CNTN5: variants seen among roughly 807,000 people sequenced by gnomAD.
CNTN5 encodes the protein contactin-5.
A neutral mutation model predicts 129.1 loss-of-function variants in CNTN5; 77 were observed. The ratio of observed to expected loss-of-function variants is 0.60; its 90% confidence interval spans 0.50 to 0.72. The LOEUF is 0.72. Among genes scored for constraint, CNTN5 ranks in the 30% least tolerant of loss-of-function variants. The pLI, the probability that CNTN5 is intolerant of heterozygous loss-of-function variation, is 0.00. For missense variants in CNTN5, 1,478 were observed against 1,328.8 expected, an observed-to-expected ratio of 1.11 and a Z score of -1.75; for synonymous variants, 509 against 465.6, an observed-to-expected ratio of 1.09 and a Z score of -1.20.
At chr11:99,525,979 A>G (rs192233042) in intron 2 of CNTN5, among the ~76,000 whole-genome samples, 1 of 148,278 alleles carries the variant, frequency 6.7e-6, no homozygotes, top group Non-Finnish European at 1.5e-5. Flanking sequence ...TACATTTAAA[A>G]GGCATTATAC....
At chr11:100,184,359 C>T (rs961152653) in intron 13 of CNTN5, among the ~76,000 whole-genome samples, 2 of 152,090 alleles carry the variant, frequency 1.3e-5, no homozygotes, top group African/African-American at 4.8e-5. Context: ...CAGCCCTATC[C>T]TGCTTTAAAA....
At chr11:100,124,767 G>A (rs905243033) in intron 13 of CNTN5, among the ~76,000 whole-genome samples, 1 of 152,024 alleles carries the variant, frequency 6.6e-6, no homozygotes, top group Non-Finnish European at 1.5e-5. Flanking sequence ...AGAAACTCAT[G>A]TTTATAAGGA....
At chr11:99,723,914 T>C (rs1275145719) in intron 3 of CNTN5, among the ~76,000 whole-genome samples, 1 of 152,186 alleles carries the variant, frequency 6.6e-6, no homozygotes, top group Non-Finnish European at 1.5e-5. Flanking sequence ...AATCAAATAG[T>C]GGAGCCAGAA....
chr11:99,981,876 A>G (rs1451098389), intron 8 of CNTN5, among the ~76,000 whole-genome samples: 2 of 152,202 alleles, frequency 1.3e-5, no homozygotes, highest in African/African-American at 4.8e-5. Context: ...ATATCAGCCA[A>G]AACTAAGTGT....
intron 3 of CNTN5, among the ~76,000 whole-genome samples, chr11:99,627,065 G>A (rs1210265311): frequency 6.6e-6 from 1 of 152,106 alleles, no homozygotes; most frequent in African/African-American, 2.4e-5. Flanking sequence ...GAAGGGAGAA[G>A]TGGAGAGGTT....
intron 3 of CNTN5, among the ~76,000 whole-genome samples, chr11:99,700,434 A>T (rs1294379688): frequency 6.6e-6 from 1 of 151,398 alleles, no homozygotes; most frequent in East Asian, 1.9e-4. Context: ...AATGCAGAAT[A>T]TTTAGGAAAT....
intron 1 of CNTN5, among the ~76,000 whole-genome samples, chr11:99,174,736 C>A (rs1464499984): frequency 6.6e-6 from 1 of 151,796 alleles, no homozygotes; most frequent in Non-Finnish European, 1.5e-5. Flanking sequence ...TAAATACTAT[C>A]CATTCTAGTT....
At chr11:100,150,015 T>C (rs1258764591) in intron 13 of CNTN5, among the ~76,000 whole-genome samples, 1 of 152,010 alleles carries the variant, frequency 6.6e-6, no homozygotes, top group African/African-American at 2.4e-5. Flanking sequence ...ATTCTACCAA[T>C]ATAAACAGGA....
chr11:99,382,845 C>CCT (rs1417732458), intron 2 of CNTN5, among the ~76,000 whole-genome samples: 2 of 77,032 alleles, frequency 2.6e-5, no homozygotes, highest in South Asian at 1.1e-3. Flanking sequence ...CTCTAAATAA[C>CCT]TTTTTTTTTT....
chr11:99,694,681 C>G (rs999148490), intron 3 of CNTN5, among the ~76,000 whole-genome samples: 1 of 152,050 alleles, frequency 6.6e-6, no homozygotes, highest in Non-Finnish European at 1.5e-5. Flanking sequence ...CCCCCCACCC[C>G]CTGGCAGTCA....
At chr11:99,675,013 G>GGTTTTGTTTTGTTTT (rs141283660) in intron 3 of CNTN5, among the ~76,000 whole-genome samples, 12 of 149,468 alleles carry the variant, frequency 8.0e-5, no homozygotes, top group Admixed American at 2.7e-4. Flanking sequence ...GCATTTTTCT[G>GGTTTTGTTTTGTTTT]GTTTTGTTTT....
At chr11:99,146,570 A>G (rs2135476669) in intron 1 of CNTN5, among the ~76,000 whole-genome samples, 1 of 152,298 alleles carries the variant, frequency 6.6e-6, no homozygotes, top group African/African-American at 2.4e-5. Context: ...AGGGTTCTAA[A>G]CACAAATAGT....
chr11:99,889,191 G>A (rs1462519454), intron 6 of CNTN5, among the ~76,000 whole-genome samples: 1 of 151,892 alleles, frequency 6.6e-6, no homozygotes, highest in African/African-American at 2.4e-5. Flanking sequence ...ACATATATGG[G>A]CATTGTCATA....
intron 13 of CNTN5, among the ~76,000 whole-genome samples, chr11:100,144,735 A>ATTT (rs35851910): frequency 3.0e-4 from 44 of 148,772 alleles, no homozygotes; most frequent in African/African-American, 9.1e-4. Context: ...GGAGTGAGGA[A>ATTT]TTTTTTTTTT....
intron 1 of CNTN5, among the ~76,000 whole-genome samples, chr11:99,271,211 G>A (rs1193378885): frequency 6.6e-6 from 1 of 151,910 alleles, no homozygotes. Flanking sequence ...GAATTCTGAA[G>A]TGGGAGCAAT....
chr11:99,424,105 A>G, intron 2 of CNTN5, among the ~76,000 whole-genome samples: 1 of 152,168 alleles, frequency 6.6e-6, no homozygotes, highest in South Asian at 2.1e-4. Flanking sequence ...AGCTTAATTT[A>G]TAAATTAGGC....
At chr11:99,466,301 T>C (rs1331873949) in intron 2 of CNTN5, among the ~76,000 whole-genome samples, 2 of 152,162 alleles carry the variant, frequency 1.3e-5, no homozygotes, top group Non-Finnish European at 2.9e-5. Flanking sequence ...TCTTCCAACA[T>C]TGGGTATTAC....
chr11:100,171,889 T>C (rs1341717336), intron 13 of CNTN5, among the ~76,000 whole-genome samples: 1 of 151,970 alleles, frequency 6.6e-6, no homozygotes, highest in African/African-American at 2.4e-5. Context: ...ATGTTATAAA[T>C]ACGTTGGTTT....
At chr11:99,235,782 C>T (rs1334145954) in intron 1 of CNTN5, among the ~76,000 whole-genome samples, 1 of 152,120 alleles carries the variant, frequency 6.6e-6, no homozygotes, top group Non-Finnish European at 1.5e-5. Flanking sequence ...ATGAGGAATA[C>T]TTAACTGACA....
Sources: gnomAD v4.1 joint callset for allele counts (sites outside exome capture counted in the v4.1 genomes callset) on GRCh38, gnomAD v4.1.1 for gene constraint, MANE v1.5 for transcripts, NCBI Gene and HGNC (gene_info 2026-07-23, HGNC 2026-07-21) for gene names.